RNLS: variants seen among roughly 807,000 people sequenced by gnomAD.
RNLS encodes renalase, FAD dependent amine oxidase.
RNLS carries 39 observed loss-of-function variants against 39.8 expected under a neutral mutation model. That is an observed-to-expected ratio of 0.98 (90% confidence interval 0.76 to 1.28). RNLS has a LOEUF of 1.28. Among genes scored for constraint, RNLS ranks in the 50% most tolerant of loss-of-function variants. The pLI is 0.00. For missense variants in RNLS, 410 were observed against 413.3 expected (o/e 0.99, Z 0.07); for synonymous variants, 147 against 150.7 (o/e 0.98, Z 0.18).
intron 4 of RNLS, among the ~76,000 whole-genome samples, chr10:88,555,751 A>C (rs936811044): frequency 4.6e-5 from 7 of 152,146 alleles, no homozygotes; most frequent in Non-Finnish European, 8.8e-5. Context: ...GGTACAGCTG[A>C]TGACTTCCTC....
chr10:88,286,419 G>T (rs1843276012), intron 6 of RNLS, among the ~76,000 whole-genome samples: 1 of 152,064 alleles, frequency 6.6e-6, no homozygotes, highest in Admixed American at 6.6e-5. Flanking sequence ...TTGGATGGAT[G>T]ATGGCTAATA....
chr10:88,278,920 A>G (rs1251177109), intron 6 of RNLS, among the ~76,000 whole-genome samples: 1 of 152,206 alleles, frequency 6.6e-6, no homozygotes, highest in Non-Finnish European at 1.5e-5. Context: ...TAATTAGTTA[A>G]GTTCATTCAT....
chr10:88,237,218 GTCCCTCCCTCCC>G, the RNLS span, among the ~76,000 whole-genome samples: 3 of 119,146 alleles, frequency 2.5e-5, no homozygotes, highest in Admixed American at 2.5e-4. Context: ...GACACTTTGA[GTCCCTCCCTCCC>G]TCCCTCCCTC....
At chr10:88,338,855 G>A (rs1847712222) in intron 5 of RNLS, among the ~76,000 whole-genome samples, 1 of 143,426 alleles carries the variant, frequency 7.0e-6, no homozygotes. Flanking sequence ...TCCGCCTCCC[G>A]GGCTCACGCC....
At chr10:88,203,287 T>C in the RNLS span, among the ~76,000 whole-genome samples, 28 of 13,378 alleles carry the variant, frequency 2.1e-3, 6 homozygotes, top group African/African-American at 8.2e-3. Context: ...TATATATATA[T>C]ATACGTATGT....
intron 4 of RNLS, among the ~76,000 whole-genome samples, chr10:88,522,409 T>C (rs1032619783): frequency 2.0e-5 from 3 of 152,098 alleles, no homozygotes. Flanking sequence ...TAAATTTCCC[T>C]AAGCAAAACC....
At chr10:88,521,181 T>C (rs1325904) in intron 4 of RNLS, among the ~76,000 whole-genome samples, 124,115 of 151,954 alleles carry the variant, frequency 0.82, 51,144 homozygotes, top group East Asian at 1. Context: ...TGATAAAATG[T>C]AGGTGATTTC....
intron 4 of RNLS, among the ~76,000 whole-genome samples, chr10:88,497,150 A>G (rs1342346171): frequency 6.6e-6 from 1 of 152,140 alleles, no homozygotes; most frequent in African/African-American, 2.4e-5. Flanking sequence ...AAATGAGTTC[A>G]AAGTTGTTTT....
At chr10:88,375,361 C>T (rs1044869036) in intron 4 of RNLS, among the ~76,000 whole-genome samples, 3 of 152,088 alleles carry the variant, frequency 2.0e-5, no homozygotes, top group Non-Finnish European at 4.4e-5. Flanking sequence ...AGTCCCCTTC[C>T]GAATCTCACA....
At chr10:88,275,740 AT>A (rs2132588114) in intron 6 of RNLS, among the ~76,000 whole-genome samples, 1 of 152,302 alleles carries the variant, frequency 6.6e-6, no homozygotes, top group South Asian at 2.1e-4. Flanking sequence ...GTAGGAAAAT[AT>A]GGTGGTGTTA....
chr10:88,403,342 T>C (rs1487475075), intron 4 of RNLS, among the ~76,000 whole-genome samples: 3 of 152,084 alleles, frequency 2.0e-5, no homozygotes, highest in East Asian at 1.9e-4. Context: ...GGCTGGCTAT[T>C]TGATGATATT....
At chr10:88,503,602 T>C (rs909321465) in intron 4 of RNLS, among the ~76,000 whole-genome samples, 5 of 152,294 alleles carry the variant, frequency 3.3e-5, no homozygotes, top group Admixed American at 1.3e-4. Context: ...TACAAGATGG[T>C]TGTTAGGACT....
At chr10:88,262,343 G>A in the RNLS span, among the ~76,000 whole-genome samples, 1 of 152,032 alleles carries the variant, frequency 6.6e-6, no homozygotes, top group Non-Finnish European at 1.5e-5. Context: ...TGTGAACTTT[G>A]GCATCTCAAG....
intron 4 of RNLS, among the ~76,000 whole-genome samples, chr10:88,459,111 T>C (rs28609673): frequency 1.3e-5 from 2 of 151,774 alleles, no homozygotes; most frequent in East Asian, 3.9e-4. Context: ...TTCTTTTTTT[T>C]TTTTTTGATG....
intron 4 of RNLS, among the ~76,000 whole-genome samples, chr10:88,513,813 C>T (rs79966919): frequency 9.2e-5 from 14 of 152,180 alleles, no homozygotes; most frequent in Non-Finnish European, 1.8e-4. Context: ...CTCCCACCAG[C>T]AATGTAGGTG....
At chr10:88,436,459 C>T (rs1390892644) in intron 4 of RNLS, among the ~76,000 whole-genome samples, 1 of 152,172 alleles carries the variant, frequency 6.6e-6, no homozygotes, top group Non-Finnish European at 1.5e-5. Context: ...CAGATTTATG[C>T]CAGTTGTATA....
chr10:88,510,604 G>A (rs983342655), intron 4 of RNLS, among the ~76,000 whole-genome samples: 9 of 151,948 alleles, frequency 5.9e-5, no homozygotes, highest in African/African-American at 2.2e-4. Context: ...TTACACTTTG[G>A]GAGGCCGAGG....
At chr10:88,185,066 A>C in the RNLS span, among the ~76,000 whole-genome samples, 1 of 152,156 alleles carries the variant, frequency 6.6e-6, no homozygotes, top group Non-Finnish European at 1.5e-5. Context: ...CTGATCAGAA[A>C]TATAGTCACT....
chr10:88,187,147 T>A, the RNLS span, among the ~76,000 whole-genome samples: 56 of 116,208 alleles, frequency 4.8e-4, 2 homozygotes, highest in Non-Finnish European at 7.2e-4. Flanking sequence ...GCTCAAAAAA[T>A]ATATATATAT....
Sources: gnomAD v4.1 joint callset for allele counts (sites outside exome capture counted in the v4.1 genomes callset) on GRCh38, gnomAD v4.1.1 for gene constraint, MANE v1.5 for transcripts, NCBI Gene and HGNC (gene_info 2026-07-23, HGNC 2026-07-21) for gene names.